CACNB4: variants seen among roughly 807,000 people sequenced by gnomAD.
CACNB4 encodes the protein calcium voltage-gated channel auxiliary subunit beta 4, also known as voltage-dependent L-type calcium channel subunit beta-4.
In CACNB4, 32 loss-of-function variants were observed where a neutral mutation model predicts 71.2. The observed-to-expected ratio is 0.45, with a 90% CI of 0.34 to 0.60. The LOEUF (loss-of-function observed/expected upper bound fraction) is 0.60, where lower values mean the gene tolerates loss of function less well. Ranked by LOEUF, CACNB4 falls within the 20% of genes least tolerant of loss-of-function variation. CACNB4 has a pLI of 0.01. For synonymous variants in CACNB4, 231 were observed against 236.9 expected, an observed-to-expected ratio of 0.97 and a Z score of 0.23; for missense variants, 464 against 647.9, an observed-to-expected ratio of 0.72 and a Z score of 3.08.
In CACNB4 at chr2:151,874,239, G is replaced by A. The variant is rs1578568071; in HGVS notation, c.522-1746C>T. The A allele has an allele frequency of 3.9e-5, 6 of 152,274 alleles. 1 individual carries two copies. Among genetic ancestry groups the A allele is most frequent in the Admixed American group, 3.3e-4 (5 of 15,304 alleles). 9.4% of individuals were successfully genotyped at this position (152,274 alleles called of 1,614,324 possible). A position where few individuals can be genotyped will look rare whatever the true frequency, so the allele number is the denominator to read the frequency against. On this transcript the variant is annotated intron_variant, in intron 5 of 13. Transcript: ENST00000539935. ...AATCCCAACACTTTGGGAGTCCGAG[G>A]CGGGCAAATCACGAGGTCAAGAGTT...
intron 5 of CACNB4, among the ~76,000 whole-genome samples, chr2:151,874,468 A>G (rs1490959140): frequency 1.3e-5 from 2 of 151,638 alleles, no homozygotes; most frequent in African/African-American, 4.8e-5. Context: ...ACTCTAAGAA[A>G]AAAAAAAAAA....
chr2:151,880,606 T>C, intron 4 of CACNB4, 194 bp downstream of exon 4: 1 of 606,810 alleles, frequency 1.6e-6, no homozygotes, highest in Admixed American at 3.2e-5. Flanking sequence ...ATGTTGTCAG[T>C]GTGTGATAAT....
intron 2 of CACNB4, among the ~76,000 whole-genome samples, chr2:152,066,217 C>T (rs997106801): frequency 6.6e-6 from 1 of 152,180 alleles, no homozygotes; most frequent in African/African-American, 2.4e-5. Flanking sequence ...CTTCCACATA[C>T]CTTTCACCTC....
intron 9 of CACNB4, chr2:151,867,889 A>G (rs1301208984): frequency 6.6e-6 from 1 of 152,240 alleles, no homozygotes; most frequent in African/African-American, 2.4e-5. Context: ...CAGCCAAGGA[A>G]CACCTGCTTC....
At chr2:152,010,457 T>C (rs1682992721) in intron 2 of CACNB4, among the ~76,000 whole-genome samples, 1 of 152,140 alleles carries the variant, frequency 6.6e-6, no homozygotes. Context: ...GACATAATAT[T>C]ATACTGAACT....
At position 151,944,027 on chromosome 2, in the gene CACNB4, C is replaced by CTT. The variant is rs377579759; in HGVS notation, c.148-60659_148-60658dup. 1.7e-3 allele frequency among the ~76,000 whole-genome samples: 229 copies of CTT among 134,878 alleles called. 1 individual carries two copies. Among genetic ancestry groups the CTT allele is most frequent in the Middle Eastern group, 3.8e-3 (1 of 262 alleles). The allele number at this position is 134,878 out of a possible 152,430, so 88.5% of individuals were successfully genotyped here. A position where few individuals can be genotyped will look rare whatever the true frequency, so the allele number is the denominator to read the frequency against. The stretch of plus-strand genomic sequence containing the variant: ...TCGGATACAGGATTATACTTTCTTT[C>CTT]TTTTTTTTTTTTTTTTTTAGAGAAA... On this transcript the variant is annotated intron_variant, in intron 2 of 13. Coordinates refer to ENST00000539935, the MANE Select transcript of CACNB4 (RefSeq NM_000726.5).
intron 2 of CACNB4, among the ~76,000 whole-genome samples, chr2:152,087,521 C>T (rs184731889): frequency 6.6e-6 from 1 of 151,758 alleles, no homozygotes; most frequent in Non-Finnish European, 1.5e-5. Context: ...AGAATATGAT[C>T]CATCCTATTC....
chr2:151,936,697 GCCT>G (rs1578871114), intron 2 of CACNB4, among the ~76,000 whole-genome samples: 1 of 152,346 alleles, frequency 6.6e-6, no homozygotes, highest in South Asian at 2.1e-4. Context: ...AAAGGTGAAA[GCCT>G]CCTCCTCATC....
upstream of CACNB4, chr2:152,099,144 C>T (rs376346514): frequency 6.9e-5 from 38 of 547,986 alleles, no homozygotes; most frequent in African/African-American, 2.0e-4. Flanking sequence ...GGCGCCCAGG[C>T]TCCCTGCCCG....
intron 9 of CACNB4, chr2:151,861,409 A>G (rs2099841607): frequency 6.6e-6 from 1 of 152,384 alleles, no homozygotes; most frequent in African/African-American, 2.4e-5. Flanking sequence ...TTTTTTCTGC[A>G]TGCATAAGAT....
chr2:151,856,036 C>T (rs1471724028), intron 10 of CACNB4, among the ~76,000 whole-genome samples: 1 of 151,330 alleles, frequency 6.6e-6, no homozygotes, highest in Non-Finnish European at 1.5e-5. Flanking sequence ...TAAAACGCTG[C>T]AATGCATCTA....
intron 2 of CACNB4, among the ~76,000 whole-genome samples, chr2:151,959,562 A>G (rs1280531877): frequency 6.6e-6 from 1 of 152,244 alleles, no homozygotes. Context: ...CTAGTTGTAC[A>G]TCTTACAGCC....
intron 2 of CACNB4, among the ~76,000 whole-genome samples, chr2:151,989,561 T>G (rs1027854622): frequency 3.9e-5 from 6 of 152,204 alleles, no homozygotes; most frequent in Non-Finnish European, 8.8e-5. Flanking sequence ...CATTCTTTCT[T>G]GATTTCCTTC....
intron 13 of CACNB4, chr2:151,841,700 C>A: frequency 3.9e-6 from 2 of 515,512 alleles, no homozygotes; most frequent in South Asian, 2.8e-5. Context: ...TCACAGACAG[C>A]ATAATTCTCA....
At position 151,833,894 on chromosome 2, in the gene CACNB4, T is replaced by C. The variant is rs1244667232; in HGVS notation, c.*5225A>G. The C allele has an allele frequency of 1.3e-5, 2 of 152,106 alleles. No homozygotes were observed. Among genetic ancestry groups the C allele is most frequent in the Non-Finnish European group, 2.9e-5 (2 of 67,936 alleles). 9.4% of individuals were successfully genotyped at this position (152,106 alleles called of 1,614,324 possible). ...CTAATGCAGATTATAAGTAACAACA[T>C]AGATTTATTTTGGCAATAAAATGCT... On this transcript the variant is annotated 3_prime_UTR_variant, in exon 14 of 14. Coordinates refer to ENST00000539935, the MANE Select transcript of CACNB4 (RefSeq NM_000726.5).
intron 2 of CACNB4, among the ~76,000 whole-genome samples, chr2:151,966,270 T>TC (rs2151712545): frequency 9.2e-6 from 1 of 108,226 alleles, no homozygotes; most frequent in Non-Finnish European, 2.5e-5. Context: ...TTTCTTTCTT[T>TC]CTTTTTCTTT....
chr2:152,054,083 G>T (rs143815542), intron 2 of CACNB4, among the ~76,000 whole-genome samples: 3 of 152,152 alleles, frequency 2.0e-5, no homozygotes, highest in Admixed American at 6.5e-5. Context: ...GAAGTATTGT[G>T]TTGGCCGGGC....
At chr2:151,979,443 T>C (rs2099874345) in intron 2 of CACNB4, among the ~76,000 whole-genome samples, 1 of 151,498 alleles carries the variant, frequency 6.6e-6, no homozygotes, top group African/African-American at 2.4e-5. Flanking sequence ...CAGAAAGCTC[T>C]TTCTAAAATT....
rs139545787 is a variant in CACNB4, at chr2:152,016,161, C to T, written c.147+82169G>A. Reference sequence around the variant, plus strand: ...TCAGCTATTCATAGCAAAACAAGCACTTTAGGGTGGCTTGAGATTCTCATT... The same window carrying T: ...TCAGCTATTCATAGCAAAACAAGCATTTTAGGGTGGCTTGAGATTCTCATT... On this transcript the variant is annotated intron_variant, in intron 2 of 13. Coordinates refer to ENST00000539935, the MANE Select transcript of CACNB4 (RefSeq NM_000726.5). Among the ~76,000 whole-genome samples, 222 of 152,268 alleles carry T rather than the reference C, an allele frequency of 1.5e-3. 3 individuals are homozygous for T. In the East Asian group the frequency reaches 0.031, roughly 21 times the overall value.
Sources: gnomAD v4.1 joint callset for allele counts (sites outside exome capture counted in the v4.1 genomes callset) on GRCh38, gnomAD v4.1.1 for gene constraint, MANE v1.5 for transcripts, NCBI Gene and HGNC (gene_info 2026-07-23, HGNC 2026-07-21) for gene names.